SLFN11: variants seen among roughly 807,000 people sequenced by gnomAD.
SLFN11 encodes schlafen family member 11.
Under a neutral mutation model 53.4 loss-of-function variants are expected in SLFN11, and 43 were observed. The ratio of observed to expected loss-of-function variants is 0.80; its 90% confidence interval spans 0.63 to 1.04. The LOEUF is 1.04. SLFN11 is among the 50% of genes least tolerant of loss of function. SLFN11 has a pLI of 0.00. For missense variants in SLFN11, 990 were observed against 1,079.1 expected, an observed-to-expected ratio of 0.92 and a Z score of 1.16; for synonymous variants, 389 against 394.7, an observed-to-expected ratio of 0.99 and a Z score of 0.17.
rs1386691561 is a variant in SLFN11, at chr17:35,352,190, G to T, written c.*166C>A. The T allele has an allele frequency of 4.9e-6, 4 of 823,560 alleles. No homozygotes were observed. Among genetic ancestry groups the T allele is most frequent in the Non-Finnish European group, 7.5e-6 (4 of 533,568 alleles). The allele number at this position is 823,560 out of a possible 1,614,324, so 51.0% of individuals were successfully genotyped here. A position where few individuals can be genotyped will look rare whatever the true frequency, so the allele number is the denominator to read the frequency against. On this transcript the variant is annotated 3_prime_UTR_variant, in exon 7 of 7. Transcript: ENST00000685675. ...GGGGGGCAGCCACCGCTGCTGAAAGGGTTGGGGAAGGAACCCCTGAAAGGA... is the reference window on the plus strand; with the variant it reads ...GGGGGGCAGCCACCGCTGCTGAAAGTGTTGGGGAAGGAACCCCTGAAAGGA...
chr17:35,363,646 T>C lies in SLFN11; in HGVS notation c.162A>G (p.Leu54=), dbSNP rs769508644. 6.2e-7 allele frequency: 1 copy of C among 1,613,950 alleles called. No homozygotes were observed. The highest frequency in any genetic ancestry group is 1.1e-5 in the South Asian group (1 of 91,070). Residue 54 remains leucine, a synonymous_variant, in exon 4 of 7, where the codon TTA becomes TTG. Transcript: ENST00000685675. Reference sequence around the variant, plus strand: ...TTCGAATCACTCCTCCTCCTGAGTTTAATAAAGCACATGCAGCCCGCATAA... The same window carrying C: ...TTCGAATCACTCCTCCTCCTGAGTTCAATAAAGCACATGCAGCCCGCATAA... ...ERVMRAACAL[L]NSGGGVIRMA...
In SLFN11 at chr17:35,352,957, A is replaced by G; in HGVS notation, c.2105T>C (p.Leu702Pro). 1 of 1,614,218 alleles carries G rather than the reference A, an allele frequency of 6.2e-7. No individual in the cohort carries two copies. The highest frequency in any genetic ancestry group is 8.5e-7 in the Non-Finnish European group (1 of 1,180,032). Residue 702 changes from leucine (L) to proline (P), a missense_variant, in exon 7 of 7, where the codon CTG becomes CCG. Physicochemically the swap from Leu to Pro is moderately conservative, Grantham distance 98 (BLOSUM62 -3). Around this residue, in one of 3 missense-constraint regions of SLFN11, gnomAD observed 313 missense variants for 320.9 expected, o/e 0.98. Transcript: ENST00000685675. ...CAAGTGGCTGGTCTGAAAGTAATCC[A>G]GAAAGATCCAGAGAATTCCTGGGCC... Reference protein sequence around the residue: ...KGGPGILWIFLDYFQTSHLDC... With the variant: ...KGGPGILWIFPDYFQTSHLDC...
In SLFN11 at chr17:35,352,935, G is replaced by A. The variant is rs758307387; in HGVS notation, c.2127C>T (p.His709=). ...WIFLDYFQTS[H]LDCSGLPPLS... is the part of the protein sequence containing the mutation. Reference sequence around the variant, plus strand: ...GAGGAGGGAGGCCACTGCAATCCAAGTGGCTGGTCTGAAAGTAATCCAGAA... The same window carrying A: ...GAGGAGGGAGGCCACTGCAATCCAAATGGCTGGTCTGAAAGTAATCCAGAA... The change falls in exon 7 of 7, where the codon CAC becomes CAT. Residue 709 remains histidine, a synonymous_variant. Coordinates refer to ENST00000685675, the MANE Select transcript of SLFN11 (RefSeq NM_001376007.1). 3.7e-6 allele frequency: 6 copies of A among 1,614,232 alleles called. No individual in the cohort carries two copies. Among genetic ancestry groups the A allele is most frequent in the South Asian group, 1.1e-5 (1 of 91,082 alleles).
chr17:35,372,838 C>T (rs1014193404), intron 1 of SLFN11, among the ~76,000 whole-genome samples: 1 of 151,886 alleles, frequency 6.6e-6, no homozygotes, highest in Non-Finnish European at 1.5e-5. Flanking sequence ...GACAGATGTG[C>T]CCTCTTGGAA....
In SLFN11 at chr17:35,353,096, T is replaced by C. The variant is rs1289375616; in HGVS notation, c.1966A>G (p.Arg656Gly). The change falls in exon 7 of 7, where the codon AGA becomes GGA. Residue 656 changes from arginine to glycine, a missense_variant. By Grantham distance (125) the Arg-to-Gly change is moderately radical (BLOSUM62 -2). Coordinates refer to ENST00000685675, the MANE Select transcript of SLFN11 (RefSeq NM_001376007.1). ...TGTTGAATGTGTTCAAAGTTTTCTC[T>C]TAGGAAAGTTTTCCGGGTCTCTGCT... ...CRAETRKTFLRENFEHIQHIV... is the reference protein window; with the variant it reads ...CRAETRKTFLGENFEHIQHIV... 9 of 1,614,166 alleles carry C rather than the reference T, an allele frequency of 5.6e-6. No homozygotes were observed. Among genetic ancestry groups the C allele is most frequent in the Non-Finnish European group, 7.6e-6 (9 of 1,180,010 alleles).
At chr17:35,355,782 T>C (rs1907393844) in intron 5 of SLFN11, among the ~76,000 whole-genome samples, 1 of 152,168 alleles carries the variant, frequency 6.6e-6, no homozygotes, top group African/African-American at 2.4e-5. Context: ...CCCCATGTGA[T>C]TTGAGGACTC....
In SLFN11 at chr17:35,350,569, G is replaced by T. The variant is rs1371574883; in HGVS notation, c.*1787C>A. On this transcript the variant is annotated 3_prime_UTR_variant, in exon 7 of 7. Transcript: ENST00000685675. ...TCAAAGACATTGCAACAACTCCAAAGTCCAGGGATCTTATAAGACTAATTT... is the reference window on the plus strand; with the variant it reads ...TCAAAGACATTGCAACAACTCCAAATTCCAGGGATCTTATAAGACTAATTT... 6.6e-6 allele frequency: 1 copy of T among 152,192 alleles called. No homozygotes were observed. The highest frequency in any genetic ancestry group is 1.9e-4 in the East Asian group (1 of 5,200). 9.4% of individuals were successfully genotyped at this position (152,192 alleles called of 1,614,324 possible).
At position 35,352,268 on chromosome 17, in the gene SLFN11, C is replaced by T; in HGVS notation, c.*88G>A. 1 of 1,506,276 alleles carries T rather than the reference C, an allele frequency of 6.6e-7. No homozygotes were observed. Among genetic ancestry groups the T allele is most frequent in the Non-Finnish European group, 9.0e-7 (1 of 1,109,486 alleles). The allele number at this position is 1,506,276 out of a possible 1,614,324, so 93.3% of individuals were successfully genotyped here. ...CTTTGTGTCAGCTCCGTCCAAATCT[C>T]TGACTTGTGAACTAAAAAGAAAGGT... On this transcript the variant is annotated 3_prime_UTR_variant, in exon 7 of 7. Transcript: ENST00000685675.
chr17:35,371,874 A>G (rs908085292), intron 1 of SLFN11, among the ~76,000 whole-genome samples: 10 of 152,124 alleles, frequency 6.6e-5, no homozygotes, highest in African/African-American at 7.2e-5. Context: ...TGTTGGTGGG[A>G]ATGTAAATTA....
At position 35,352,005 on chromosome 17, in the gene SLFN11, A is replaced by G; in HGVS notation, c.*351T>C. 2 of 236,416 alleles carry G rather than the reference A, an allele frequency of 8.5e-6. No individual in the cohort carries two copies. The highest frequency in any genetic ancestry group is 1.6e-5 in the Non-Finnish European group (2 of 122,272). The allele number at this position is 236,416 out of a possible 1,614,324, so 14.6% of individuals were successfully genotyped here. On this transcript the variant is annotated 3_prime_UTR_variant, in exon 7 of 7. Transcript: ENST00000685675. ...ACAAACTGCATGAAGTCACTTAAAA[A>G]AAGAAGCCCAGCCTTGGAAGAAAGA...
chr17:35,352,654 C>A lies in SLFN11; in HGVS notation c.2408G>T (p.Gly803Val). ...ADTCRRFFDR[G>V]YSPKDVAVLV... ...CACAGCAACATCCTTTGGAGAATAG[C>A]CCCTATCAAAGAAGCGCCTGCACGT... The change falls in exon 7 of 7, where the codon GGC (glycine) becomes GTC (valine). Residue 803 changes from glycine (G) to valine (V), a missense_variant. Around this residue, in one of 3 missense-constraint regions of SLFN11, gnomAD observed 313 missense variants for 320.9 expected, o/e 0.98. Transcript: ENST00000685675. 1 of 1,614,192 alleles carries A rather than the reference C, an allele frequency of 6.2e-7. No individual in the cohort carries two copies. The highest frequency in any genetic ancestry group is 1.3e-5 in the African/African-American group (1 of 75,036).
intron 1 of SLFN11, among the ~76,000 whole-genome samples, chr17:35,369,123 G>A (rs755978131): frequency 1.4e-4 from 22 of 152,000 alleles, no homozygotes; most frequent in Non-Finnish European, 2.6e-4. Flanking sequence ...GAAAAGTAAA[G>A]GGGACTTTGT....
At chr17:35,353,165 A>G (rs1257724959) in intron 6 of SLFN11, 26 bp from the exon 7 acceptor site, 2 of 1,601,860 alleles carry the variant, frequency 1.2e-6, no homozygotes, top group East Asian at 2.2e-5. Context: ...GAACACACTC[A>G]GGTTTTCTCT....
chr17:35,369,109 G>A (rs933370526), intron 1 of SLFN11, among the ~76,000 whole-genome samples: 1 of 152,030 alleles, frequency 6.6e-6, no homozygotes, highest in Non-Finnish European at 1.5e-5. Flanking sequence ...GAGAAAAGCA[G>A]AGGGAAAAGT....
In SLFN11 at chr17:35,352,989, T is replaced by G. The variant is rs199890326; in HGVS notation, c.2073A>C (p.Ala691=). Residue 691 remains alanine, a synonymous_variant, in exon 7 of 7, where the codon GCA becomes GCC. Transcript: ENST00000685675. ...TCCAGAGAATTCCTGGGCCACCCTT[T>G]GCTCTCCGAGTGATGCTTTTTGCCT... ...YGKAKSITRR[A]KGGPGILWIF... is the part of the protein sequence containing the mutation. 6.2e-7 allele frequency: 1 copy of G among 1,614,208 alleles called. No individual in the cohort carries two copies. Among genetic ancestry groups the G allele is most frequent in the Non-Finnish European group, 8.5e-7 (1 of 1,180,030 alleles).
At chr17:35,368,795 A>G (rs1417360053) in intron 1 of SLFN11, among the ~76,000 whole-genome samples, 2 of 152,082 alleles carry the variant, frequency 1.3e-5, no homozygotes, top group Non-Finnish European at 2.9e-5. Flanking sequence ...TGCATCTTGG[A>G]TGTCAGCTCA....
chr17:35,351,617 T>G lies in SLFN11; in HGVS notation c.*739A>C, dbSNP rs1438306981. 6.6e-6 allele frequency: 1 copy of G among 152,218 alleles called. No homozygotes were observed. Among genetic ancestry groups the G allele is most frequent in the Non-Finnish European group, 1.5e-5 (1 of 68,036 alleles). 9.4% of individuals were successfully genotyped at this position (152,218 alleles called of 1,614,324 possible). A position where few individuals can be genotyped will look rare whatever the true frequency, so the allele number is the denominator to read the frequency against. On this transcript the variant is annotated 3_prime_UTR_variant, in exon 7 of 7. Coordinates refer to ENST00000685675, the MANE Select transcript of SLFN11 (RefSeq NM_001376007.1). ...TTCAGAACCAGATTTTGGTCTCTAA[T>G]ATCATCTTCCACTGAAAGCCAGGGC...
chr17:35,370,979 T>C (rs1245033590), intron 1 of SLFN11, among the ~76,000 whole-genome samples: 1 of 152,036 alleles, frequency 6.6e-6, no homozygotes, highest in Non-Finnish European at 1.5e-5. Flanking sequence ...TCCTAAAATT[T>C]ATATAGAACC....
intron 1 of SLFN11, among the ~76,000 whole-genome samples, chr17:35,372,186 T>C (rs1909761400): frequency 6.6e-6 from 1 of 152,118 alleles, no homozygotes; most frequent in Admixed American, 6.5e-5. Context: ...CGAATGGAAC[T>C]TGAAATCATT....
Sources: gnomAD v4.1 joint callset for allele counts (sites outside exome capture counted in the v4.1 genomes callset) on GRCh38, gnomAD v4.1.1 for gene constraint, gnomAD v4.1.1 regional missense constraint, MANE v1.5 for transcripts, NCBI Gene and HGNC (gene_info 2026-07-23, HGNC 2026-07-21) for gene names.